The following COQ4 variants were observed in gnomAD, a reference collection of about 807,000 sequenced individuals.
COQ4 encodes coenzyme Q4.
COQ4 carries 36 observed loss-of-function variants against 30.2 expected under a neutral mutation model. The ratio of observed to expected loss-of-function variants is 1.19; its 90% CI spans 0.91 to 1.57. The LOEUF (loss-of-function observed/expected upper bound fraction) is 1.57. Ranked by LOEUF, COQ4 falls within the 40% of genes most tolerant of loss-of-function variation. The pLI is 0.00. For synonymous variants in COQ4, 197 were observed against 161.0 expected (o/e 1.22, Z -1.69); for missense variants, 369 against 371.9 (o/e 0.99, Z 0.07).
Position 128,333,857 on chromosome 9 carries a change from TACCCAAGGA to T in COQ4, c.*213_*221del. 1 of 423,404 alleles carries T rather than the reference TACCCAAGGA, an allele frequency of 2.4e-6. No individual in the cohort carries two copies. Among genetic ancestry groups the T allele is most frequent in the South Asian group, 5.5e-5 (1 of 18,256 alleles). The allele number at this position is 423,404 out of a possible 1,614,324, so 26.2% of individuals were successfully genotyped here. A position where few individuals can be genotyped will look rare whatever the true frequency, so the allele number is the denominator to read the frequency against. On this transcript the variant is annotated 3_prime_UTR_variant, in exon 7 of 7. Coordinates refer to ENST00000300452, the MANE Select transcript of COQ4 (RefSeq NM_016035.5). ...TGGCATTCCCAGGGGGACCAGCAGC[TACCCAAGGA>T]GAACCATGCATGAACAGTATCAGTC...
chr9:128,327,663 G>A (rs1221727329), intron 4 of COQ4, among the ~76,000 whole-genome samples: 4 of 152,050 alleles, frequency 2.6e-5, no homozygotes, highest in African/African-American at 4.8e-5. Context: ...AGCCAAGTGT[G>A]GTGGTGTATA....
At position 128,322,926 on chromosome 9, in the gene COQ4, C is replaced by T. The variant is rs1293211468; in HGVS notation, c.68C>T (p.Ala23Val). The T allele has an allele frequency of 1.9e-6, 3 of 1,600,934 alleles. No individual in the cohort carries two copies. The highest frequency in any genetic ancestry group is 2.2e-5 in the South Asian group (2 of 90,660). Residue 23 changes from alanine to valine, a missense_variant and splice_region_variant, in exon 1 of 7, where the codon GCA (alanine) becomes GTA (valine). Ala to Val is a moderately conservative substitution (Grantham distance 64). Coordinates refer to ENST00000300452, the MANE Select transcript of COQ4 (RefSeq NM_016035.5). ...CGLPGLQRPA[A>V]EMPLRARSDG... ...CTCCCGGGCCTACAGCGGCCTGCGG[C>T]AGGCAAGTGGCGCCGGGTTCTGGGC...
rs1588536244 is a variant in COQ4 at position 128,323,531 on chromosome 9, G to A, written c.202+384G>A. ...CACTGCATCTGCAGCCTTCTGGATA[G>A]TGCCTGGCACATAGTAAATGCTCAA... On this transcript the variant is annotated intron_variant, in intron 2 of 6. Coordinates refer to ENST00000300452, the MANE Select transcript of COQ4 (RefSeq NM_016035.5). 16 of 427,456 alleles carry A rather than the reference G, an allele frequency of 3.7e-5. No homozygotes were observed. The East Asian group carries it at 5.7e-4, about 15-fold the overall frequency. 26.5% of individuals were successfully genotyped at this position (427,456 alleles called of 1,614,324 possible). A position where few individuals can be genotyped will look rare whatever the true frequency, so the allele number is the denominator to read the frequency against.
At chr9:128,333,437 G>A in intron 6 of COQ4, 37 bp from the exon 7 acceptor site, 1 of 1,478,468 alleles carries the variant, frequency 6.8e-7, no homozygotes, top group Non-Finnish European at 9.0e-7. Flanking sequence ...CTGGCCCCAG[G>A]GACTTGATGT....
chr9:128,328,447 G>C (rs1440007693), intron 4 of COQ4, among the ~76,000 whole-genome samples: 2 of 152,208 alleles, frequency 1.3e-5, no homozygotes, highest in Non-Finnish European at 2.9e-5. Flanking sequence ...CTCAAGCCGG[G>C]CATGTTAATG....
At position 128,332,931 on chromosome 9, in the gene COQ4, G is replaced by T. The variant is rs35213511; in HGVS notation, c.614G>T (p.Arg205Leu). ...CTGGGTGCATTCTTTGGACCGATCCGACTTGGCGCTCAGTAAGTTTTCAAG... is the reference window on the plus strand; with the variant it reads ...CTGGGTGCATTCTTTGGACCGATCCTACTTGGCGCTCAGTAAGTTTTCAAG... ...CILGAFFGPI[R>L]LGAQSLQVLV... The change falls in exon 6 of 7, where the codon CGA becomes CTA. Residue 205 changes from arginine to leucine, a missense_variant. Physicochemically the swap from Arg to Leu is moderately radical, Grantham distance 102. Coordinates refer to ENST00000300452, the MANE Select transcript of COQ4 (RefSeq NM_016035.5). 36 of 1,613,834 alleles carry T rather than the reference G, an allele frequency of 2.2e-5. No homozygotes were observed. The highest frequency in any genetic ancestry group is 3.1e-5 in the Non-Finnish European group (36 of 1,179,834).
intron 4 of COQ4, among the ~76,000 whole-genome samples, chr9:128,327,753 A>G (rs1832345997): frequency 6.6e-6 from 1 of 152,112 alleles, no homozygotes; most frequent in South Asian, 2.1e-4. Flanking sequence ...GGTGAGCCGT[A>G]ATCACACCAC....
At chr9:128,323,694 C>T (rs186997596) in intron 2 of COQ4, 18 of 209,044 alleles carry the variant, frequency 8.6e-5, no homozygotes, top group Admixed American at 1.8e-4. Context: ...TAGTGGCTCA[C>T]GCCTATAATC....
Position 128,322,902 on chromosome 9 carries a change from T to C in COQ4, c.44T>C (p.Leu15Pro), listed in dbSNP as rs879324921. The C allele has an allele frequency of 1.9e-6, 3 of 1,595,852 alleles. No homozygotes were observed. Among genetic ancestry groups the C allele is most frequent in the Non-Finnish European group, 2.6e-6 (3 of 1,175,432 alleles). Residue 15 changes from leucine (L) to proline (P), a missense_variant, in exon 1 of 7, where the codon CTC (leucine) becomes CCC (proline). Transcript: ENST00000300452. ...LRPVLRRLCG[L>P]PGLQRPAAEM... ...CCTGTCCTCCGTCGGCTCTGCGGGCTCCCGGGCCTACAGCGGCCTGCGGCA... is the reference window on the plus strand; with the variant it reads ...CCTGTCCTCCGTCGGCTCTGCGGGCCCCCGGGCCTACAGCGGCCTGCGGCA...
chr9:128,324,863 G>A (rs1265949685), intron 2 of COQ4, among the ~76,000 whole-genome samples: 2 of 152,186 alleles, frequency 1.3e-5, no homozygotes, highest in Non-Finnish European at 2.9e-5. Flanking sequence ...CCAATCAATG[G>A]AGACATGATA....
chr9:128,325,678 C>A, intron 3 of COQ4, 101 bp from the exon 4 acceptor site: 1 of 889,344 alleles, frequency 1.1e-6, no homozygotes. Flanking sequence ...GTGGTGGCCA[C>A]ATTGCTCCTC....
chr9:128,327,827 C>T (rs1280012209), intron 4 of COQ4, among the ~76,000 whole-genome samples: 1 of 152,212 alleles, frequency 6.6e-6, no homozygotes, highest in Non-Finnish European at 1.5e-5. Context: ...TATACCAGCA[C>T]TATTGTCAGC....
In COQ4 at chr9:128,325,764, A is replaced by G. The variant is rs1314722812; in HGVS notation, c.300-15A>G. 1 of 1,610,282 alleles carries G rather than the reference A, an allele frequency of 6.2e-7. No homozygotes were observed. The highest frequency in any genetic ancestry group is 1.3e-5 in the African/African-American group (1 of 74,780). ...TTTGCCCACACCCTCCCAATGCCCAAGTCTTGCCTTTCAGGGAGCGTCCCC... is the reference window on the plus strand; with the variant it reads ...TTTGCCCACACCCTCCCAATGCCCAGGTCTTGCCTTTCAGGGAGCGTCCCC... On this transcript the variant is annotated splice_polypyrimidine_tract_variant and intron_variant, in intron 3 of 6. Transcript: ENST00000300452.
intron 3 of COQ4, 24 bp from the exon 4 acceptor site, chr9:128,325,755 C>CA (rs764762017): frequency 1.9e-6 from 3 of 1,598,224 alleles, no homozygotes; most frequent in African/African-American, 2.7e-5. Flanking sequence ...CACACCCTCC[C>CA]AATGCCCAAG....
chr9:128,326,185 C>T lies in COQ4; in HGVS notation c.402+304C>T, dbSNP rs3003600. 436,310 of 544,046 alleles carry T rather than the reference C, an allele frequency of 0.8. 176,518 individuals are homozygous for T. The highest frequency in any genetic ancestry group is 1 in the East Asian group (32,121 of 32,132). 33.7% of individuals were successfully genotyped at this position (544,046 alleles called of 1,614,324 possible). On this transcript the variant is annotated intron_variant, in intron 4 of 6. Transcript: ENST00000300452. ...ATGTTCTATTATTATCCTCTTTTAG[C>T]AGATAAGGAAACAGAGGCTCAGAGC... is the stretch of plus-strand genomic sequence containing the variant.
At chr9:128,332,464 C>A in intron 5 of COQ4, 182 bp downstream of exon 5, 1 of 668,460 alleles carries the variant, frequency 1.5e-6, no homozygotes, top group Non-Finnish European at 2.5e-6. Flanking sequence ...CCCCTCAGGG[C>A]TCCTGCACTA....
intron 4 of COQ4, 186 bp downstream of exon 4, chr9:128,326,067 A>G (rs1832315365): frequency 1.6e-6 from 1 of 623,440 alleles, no homozygotes; most frequent in Non-Finnish European, 2.9e-6. Flanking sequence ...CCTGCAATTG[A>G]TAATACTGGC....
chr9:128,333,082 A>G, intron 6 of COQ4, 139 bp downstream of exon 6: 2 of 711,080 alleles, frequency 2.8e-6, no homozygotes, highest in Non-Finnish European at 5.1e-6. Flanking sequence ...GTAAGGGTAG[A>G]AAGAATGGAG....
chr9:128,333,333 G>A (rs961657894), intron 6 of COQ4, 141 bp from the exon 7 acceptor site: 9 of 694,150 alleles, frequency 1.3e-5, no homozygotes, highest in Non-Finnish European at 2.1e-5. Context: ...GAGCTCTGTT[G>A]CCTCATCTAA....
Sources: gnomAD v4.1 joint callset for allele counts (sites outside exome capture counted in the v4.1 genomes callset) on GRCh38, gnomAD v4.1.1 for gene constraint, MANE v1.5 for transcripts, NCBI Gene and HGNC (gene_info 2026-07-23, HGNC 2026-07-21) for gene names.